Variants in FGD1 observed in about 807,000 individuals in gnomAD.
The protein encoded by FGD1 is FYVE, RhoGEF and PH domain-containing protein 1.
In FGD1, 12 loss-of-function variants were observed where a neutral mutation model predicts 65.0. The observed-to-expected ratio is 0.18, with a 90% CI of 0.12 to 0.30. The LOEUF (loss-of-function observed/expected upper bound fraction) is 0.30, where lower values mean the gene tolerates loss of function less well. Among genes scored for constraint, FGD1 ranks in the 10% least tolerant of loss-of-function variants. FGD1 has a pLI of 1.00. For synonymous variants in FGD1, 333 were observed against 343.9 expected (o/e 0.97, Z 0.35); for missense variants, 542 against 837.6 (o/e 0.65, Z 4.36).
At chrX:54,465,161 G>A (rs1381834086) in intron 8 of FGD1, among the ~76,000 whole-genome samples, 1 of 106,635 alleles carries the variant, frequency 9.4e-6, no homozygotes, top group African/African-American at 3.4e-5. Context: ...GGAAGTTCAG[G>A]TTGGGGATCT....
At chrX:54,473,552 C>G (rs779211977) in intron 1 of FGD1, among the ~76,000 whole-genome samples, 3 of 111,323 alleles carry the variant, frequency 2.7e-5, no homozygotes, top group African/African-American at 9.8e-5. Flanking sequence ...GCTGATTGAT[C>G]GAAATGTTTG....
chrX:54,451,206 C>T (rs2360115), intron 12 of FGD1, among the ~76,000 whole-genome samples: 15,461 of 110,573 alleles, frequency 0.14, 2,047 homozygotes, highest in African/African-American at 0.42. Context: ...CTGGCACACT[C>T]GATGCTCAAT....
At chrX:54,487,965 CAAA>C (rs1569541484) in intron 1 of FGD1, among the ~76,000 whole-genome samples, 2 of 102,452 alleles carry the variant, frequency 2.0e-5, no homozygotes, top group East Asian at 6.3e-4. Context: ...ACCAACCAAA[CAAA>C]CAAACAAACA....
chrX:54,492,967 C>T (rs776053933), intron 1 of FGD1, among the ~76,000 whole-genome samples: 1 of 108,103 alleles, frequency 9.3e-6, no homozygotes, highest in East Asian at 2.9e-4. Flanking sequence ...GCAAGGACTT[C>T]GTTGGGGAAA....
chrX:54,495,590 G>C lies in FGD1; in HGVS notation c.-158C>G, dbSNP rs1399510288. 4 of 263,040 alleles carry C rather than the reference G, an allele frequency of 1.5e-5. No individual in the cohort carries two copies. The highest frequency in any genetic ancestry group is 2.5e-5 in the Non-Finnish European group (4 of 157,469). The allele number at this position is 263,040 out of a possible 1,213,427, so 21.7% of individuals were successfully genotyped here. A position where few individuals can be genotyped will look rare whatever the true frequency, so the allele number is the denominator to read the frequency against. ...CCCACTGCAGAGACTCAAGCCCCCAGCCCGGGCCCGGGCCAGCAGCCGTGG... is the reference window on the plus strand; with the variant it reads ...CCCACTGCAGAGACTCAAGCCCCCACCCCGGGCCCGGGCCAGCAGCCGTGG... On this transcript the variant is annotated 5_prime_UTR_variant, in exon 1 of 18. Coordinates refer to ENST00000375135, the MANE Select transcript of FGD1 (RefSeq NM_004463.3).
intron 12 of FGD1, among the ~76,000 whole-genome samples, chrX:54,454,053 CA>C (rs1363833545): frequency 8.9e-6 from 1 of 111,737 alleles, no homozygotes; most frequent in Non-Finnish European, 1.9e-5. Context: ...TATAGAGATG[CA>C]AAATTTTTTT....
chrX:54,464,236 C>A (rs1008177933), intron 8 of FGD1, among the ~76,000 whole-genome samples: 8 of 104,143 alleles, frequency 7.7e-5, no homozygotes, highest in Non-Finnish European at 1.4e-4. Flanking sequence ...TGGGTTCAAG[C>A]AATTCTCCTG....
intron 1 of FGD1, among the ~76,000 whole-genome samples, chrX:54,488,436 T>A (rs1923340260): frequency 1.8e-5 from 2 of 108,459 alleles, no homozygotes; most frequent in South Asian, 8.0e-4. Context: ...ATACAAAAAA[T>A]TAGCCAGGCG....
rs145327257 is a variant in FGD1 at position 54,493,302 on chromosome X, G to A, written c.307+1824C>T. ...ACACCTACTGCGTGTTAGGCACTGC[G>A]CTAGTTGCTGGGGATACAACAGTGA... On this transcript the variant is annotated intron_variant, in intron 1 of 17. Transcript: ENST00000375135. Among the ~76,000 whole-genome samples, 1,036 of 112,214 alleles carry A rather than the reference G, an allele frequency of 9.2e-3. 4 individuals carry two copies. The highest frequency in any genetic ancestry group is 0.014 in the Non-Finnish European group (751 of 53,304).
intron 1 of FGD1, among the ~76,000 whole-genome samples, chrX:54,493,824 A>C (rs17002528): frequency 0.27 from 29,696 of 111,463 alleles, 7,078 homozygotes; most frequent in African/African-American, 0.79. Context: ...AAGGTCATGA[A>C]GGCACCAAAA....
At chrX:54,455,998 T>C (rs1444006791) in intron 10 of FGD1, among the ~76,000 whole-genome samples, 1 of 112,466 alleles carries the variant, frequency 8.9e-6, no homozygotes, top group East Asian at 2.8e-4. Context: ...CAAGGCTTAT[T>C]TGCCTCATCT....
chrX:54,468,835 G>A lies in FGD1; in HGVS notation c.1143C>T (p.Leu381=). 1 of 1,208,706 alleles carries A rather than the reference G, an allele frequency of 8.3e-7. No homozygotes were observed. Among genetic ancestry groups the A allele is most frequent in the Non-Finnish European group, 1.1e-6 (1 of 893,511 alleles). ...AAACGTAGGCCTTCTCAGTTTGCAG[G>A]AGCTCATTGGCAATGTGAAACACCT... ...QQKVFHIANE[L]LQTEKAYVSR... is the part of the protein sequence containing the mutation. The change falls in exon 5 of 18, where the codon CTC becomes CTT. Residue 381 remains leucine, a synonymous_variant. Transcript: ENST00000375135.
chrX:54,453,115 G>C (rs1286791567), intron 12 of FGD1, among the ~76,000 whole-genome samples: 1 of 111,901 alleles, frequency 8.9e-6, no homozygotes, highest in East Asian at 2.8e-4. Flanking sequence ...TCTGGGCCCA[G>C]TGTCCCACTG....
intron 7 of FGD1, 40 bp downstream of exon 7, chrX:54,465,656 T>C: frequency 8.3e-7 from 1 of 1,210,931 alleles, no homozygotes; most frequent in Non-Finnish European, 1.1e-6. Context: ...CCTGCAGACC[T>C]CTCCTCCCCA....
intron 12 of FGD1, among the ~76,000 whole-genome samples, chrX:54,454,402 C>G (rs1258433964): frequency 8.9e-6 from 1 of 111,936 alleles, no homozygotes; most frequent in Non-Finnish European, 1.9e-5. Flanking sequence ...GTAATCCCAG[C>G]ACTTTGGGAG....
rs147208079 is a variant in FGD1, at chrX:54,489,270, G to A, written c.307+5856C>T. 2.0e-4 allele frequency among the ~76,000 whole-genome samples: 23 copies of A among 112,747 alleles called. No homozygotes were observed. In the East Asian group the frequency reaches 5.6e-3, roughly 27 times the overall value. The stretch of plus-strand genomic sequence containing the variant: ...TTCAAAAGAAGACATACATGTGGCC[G>A]ATAAGCATATGAAAAAAATGCTCAA... On this transcript the variant is annotated intron_variant, in intron 1 of 17. Coordinates refer to ENST00000375135, the MANE Select transcript of FGD1 (RefSeq NM_004463.3).
At chrX:54,488,401 C>T (rs1235009274) in intron 1 of FGD1, among the ~76,000 whole-genome samples, 14 of 107,170 alleles carry the variant, frequency 1.3e-4, no homozygotes, top group African/African-American at 1.7e-4. Context: ...CTGGCTAACA[C>T]GGTGAAACCC....
intron 12 of FGD1, among the ~76,000 whole-genome samples, chrX:54,454,404 C>T (rs1922447014): frequency 8.9e-6 from 1 of 111,934 alleles, no homozygotes; most frequent in Admixed American, 9.5e-5. Context: ...AATCCCAGCA[C>T]TTTGGGAGGC....
rs183373718 is a variant in FGD1 at position 54,483,430 on chromosome X, G to A, written c.307+11696C>T. 1.4e-4 allele frequency among the ~76,000 whole-genome samples: 16 copies of A among 112,470 alleles called. No homozygotes were observed. In the East Asian group the frequency reaches 4.0e-3, roughly 28 times the overall value. On this transcript the variant is annotated intron_variant, in intron 1 of 17. Coordinates refer to ENST00000375135, the MANE Select transcript of FGD1 (RefSeq NM_004463.3). ...CCAGGCCTAGCAGGCCCTGGCGGGC[G>A]GAAGGGCTTCTATGCCAGCTGCAGC...
Sources: gnomAD v4.1 joint callset for allele counts (sites outside exome capture counted in the v4.1 genomes callset) on GRCh38, gnomAD v4.1.1 for gene constraint, MANE v1.5 for transcripts, NCBI Gene and HGNC (gene_info 2026-07-23, HGNC 2026-07-21) for gene names.